The following ADARB2 variants were observed in gnomAD, a reference collection of about 807,000 sequenced individuals.
ADARB2 encodes adenosine deaminase RNA specific B2 (inactive).
ADARB2 carries 25 observed loss-of-function variants against 62.2 expected under a neutral mutation model. The observed-to-expected ratio is 0.40, with a 90% CI of 0.29 to 0.56. The LOEUF is 0.56. Among genes scored for constraint, ADARB2 ranks in the 20% least tolerant of loss-of-function variants. ADARB2 has a pLI of 0.43. For missense variants in ADARB2, 1,071 were observed against 1,077.4 expected (o/e 0.99, Z 0.08); for synonymous variants, 572 against 500.8 (o/e 1.14, Z -1.90).
chr10:1,283,539 G>C (rs943717544), intron 3 of ADARB2, among the ~76,000 whole-genome samples: 3 of 152,330 alleles, frequency 2.0e-5, no homozygotes, highest in South Asian at 2.1e-4. Flanking sequence ...CCTCCATGTG[G>C]TTCATCAGAG....
intron 1 of ADARB2, among the ~76,000 whole-genome samples, chr10:1,586,272 C>CCCCAGT (rs906695580): frequency 1.2e-4 from 18 of 152,334 alleles, no homozygotes; most frequent in Admixed American, 1.2e-3. Context: ...GTTCTTCTGA[C>CCCCAGT]CCCAGTCTTT....
intron 3 of ADARB2, among the ~76,000 whole-genome samples, chr10:1,306,880 T>C (rs1831635011): frequency 6.7e-6 from 1 of 150,162 alleles, no homozygotes; most frequent in Admixed American, 6.7e-5. Context: ...GCTAGCCATA[T>C]GTAGAAAGCT....
chr10:1,313,689 G>A (rs955353054), intron 3 of ADARB2, among the ~76,000 whole-genome samples: 1 of 152,160 alleles, frequency 6.6e-6, no homozygotes, highest in South Asian at 2.1e-4. Flanking sequence ...GTGGGAGAAC[G>A]ACAGTGGCCC....
At chr10:1,621,644 C>A (rs1208316622) in intron 1 of ADARB2, among the ~76,000 whole-genome samples, 1 of 152,112 alleles carries the variant, frequency 6.6e-6, no homozygotes, top group Non-Finnish European at 1.5e-5. Context: ...ACAGCAACAA[C>A]AACAACAGTG....
chr10:1,362,957 C>T (rs1257661452), intron 3 of ADARB2, 71 bp downstream of exon 3: 43 of 1,243,254 alleles, frequency 3.5e-5, no homozygotes, highest in Non-Finnish European at 4.0e-5. Context: ...CCACTCCCAA[C>T]AGGGAAAGGT....
intron 3 of ADARB2, among the ~76,000 whole-genome samples, chr10:1,338,693 C>T (rs1477370223): frequency 6.6e-6 from 1 of 152,166 alleles, no homozygotes; most frequent in Non-Finnish European, 1.5e-5. Flanking sequence ...GCTCACAGCC[C>T]CAGCCTTAGG....
At position 1,467,212 on chromosome 10, in the gene ADARB2, C is replaced by T. The variant is rs1213315298; in HGVS notation, c.101-88052G>A. ...TTCTATCTTTAATACTGTAACTGCT[C>T]ATCGGTTTAGCTCTTCTCTACCAAT... On this transcript the variant is annotated intron_variant, in intron 1 of 9. Coordinates refer to ENST00000381312, the MANE Select transcript of ADARB2 (RefSeq NM_018702.4). Among the ~76,000 whole-genome samples, 6 of 152,154 alleles carry T rather than the reference C, an allele frequency of 3.9e-5. No individual in the cohort carries two copies. The East Asian group carries it at 1.2e-3, about 29-fold the overall frequency.
At chr10:1,276,077 G>A (rs1206139404) in intron 3 of ADARB2, among the ~76,000 whole-genome samples, 1 of 151,976 alleles carries the variant, frequency 6.6e-6, no homozygotes, top group African/African-American at 2.4e-5. Flanking sequence ...CTGAGGAATC[G>A]CCACACTGAC....
intron 3 of ADARB2, among the ~76,000 whole-genome samples, chr10:1,273,233 A>G (rs1254037504): frequency 6.6e-6 from 1 of 152,174 alleles, no homozygotes; most frequent in Non-Finnish European, 1.5e-5. Flanking sequence ...CTTTCAATGC[A>G]TGCTGTCAAG....
intron 2 of ADARB2, among the ~76,000 whole-genome samples, chr10:1,366,639 C>T (rs1347575968): frequency 1.3e-5 from 2 of 152,140 alleles, no homozygotes; most frequent in African/African-American, 4.8e-5. Context: ...TCCTAGGCAT[C>T]GGATCACCCT....
At chr10:1,502,354 T>C (rs578251079) in intron 1 of ADARB2, among the ~76,000 whole-genome samples, 1 of 152,226 alleles carries the variant, frequency 6.6e-6, no homozygotes, top group Non-Finnish European at 1.5e-5. Flanking sequence ...TTTAGTTCTA[T>C]ACTCTGGAGA....
intron 1 of ADARB2, among the ~76,000 whole-genome samples, chr10:1,471,011 A>T (rs569477381): frequency 2.0e-5 from 3 of 152,166 alleles, no homozygotes; most frequent in Admixed American, 6.5e-5. Flanking sequence ...GTGAGCCAAG[A>T]TGGCGCCACT....
intron 1 of ADARB2, among the ~76,000 whole-genome samples, chr10:1,718,515 C>T (rs1192395448): frequency 6.6e-6 from 1 of 152,228 alleles, no homozygotes; most frequent in Non-Finnish European, 1.5e-5. Context: ...TGTGAGTCCA[C>T]AATCGAGTCT....
At chr10:1,304,003 G>C (rs1831601028) in intron 3 of ADARB2, among the ~76,000 whole-genome samples, 1 of 152,008 alleles carries the variant, frequency 6.6e-6, no homozygotes, top group African/African-American at 2.4e-5. Flanking sequence ...CATAATGACA[G>C]GATCAAATTC....
chr10:1,375,847 T>C (rs1388084694), intron 2 of ADARB2, among the ~76,000 whole-genome samples: 3 of 132,920 alleles, frequency 2.3e-5, no homozygotes, highest in African/African-American at 5.9e-5. Context: ...ACCGCACACA[T>C]GCACACACAT....
intron 1 of ADARB2, among the ~76,000 whole-genome samples, chr10:1,623,455 T>C (rs1246126622): frequency 6.6e-6 from 1 of 152,222 alleles, no homozygotes; most frequent in Non-Finnish European, 1.5e-5. Context: ...AGTAAGAATA[T>C]AAACTGTTGT....
At chr10:1,640,685 C>G (rs1205315162) in intron 1 of ADARB2, among the ~76,000 whole-genome samples, 1 of 152,150 alleles carries the variant, frequency 6.6e-6, no homozygotes. Context: ...CATGCACACA[C>G]ATAAATGTCT....
At chr10:1,391,465 C>T (rs1832570207) in intron 1 of ADARB2, among the ~76,000 whole-genome samples, 1 of 152,192 alleles carries the variant, frequency 6.6e-6, no homozygotes. Context: ...GAGTTTGTTT[C>T]TCACAGGCCC....
chr10:1,624,235 G>GAAAA (rs1335747954), intron 1 of ADARB2, among the ~76,000 whole-genome samples: 1 of 150,812 alleles, frequency 6.6e-6, no homozygotes, highest in Admixed American at 6.6e-5. Context: ...TCCTGTCTCG[G>GAAAA]AAAAAACAAA....
Sources: gnomAD v4.1 joint callset for allele counts (sites outside exome capture counted in the v4.1 genomes callset) on GRCh38, gnomAD v4.1.1 for gene constraint, MANE v1.5 for transcripts, NCBI Gene and HGNC (gene_info 2026-07-23, HGNC 2026-07-21) for gene names.